Variants in GALNT13 observed in about 807,000 individuals in gnomAD.
GALNT13 encodes the protein polypeptide N-acetylgalactosaminyltransferase 13, also known as UDP-GalNAc:polypeptide N-acetylgalactosaminyltransferase 13.
A neutral mutation model predicts 64.2 loss-of-function variants in GALNT13; 28 were observed. That is an observed-to-expected ratio of 0.44 (90% CI 0.32 to 0.60). The LOEUF (loss-of-function observed/expected upper bound fraction) is 0.60. Ranked by LOEUF, GALNT13 falls within the 20% of genes least tolerant of loss-of-function variation. The pLI, the probability that GALNT13 is intolerant of heterozygous loss-of-function variation, is 0.05. For synonymous variants in GALNT13, 214 were observed against 224.6 expected, an observed-to-expected ratio of 0.95 and a Z score of 0.42; for missense variants, 577 against 669.8, an observed-to-expected ratio of 0.86 and a Z score of 1.53.
chr2:154,179,555 T>C (rs1248569182), intron 4 of GALNT13, among the ~76,000 whole-genome samples: 1 of 152,122 alleles, frequency 6.6e-6, no homozygotes, highest in African/African-American at 2.4e-5. Context: ...GAATATCAAC[T>C]CTGAAAGCAG....
At chr2:153,828,125 C>T in the GALNT13 span, among the ~76,000 whole-genome samples, 1 of 152,220 alleles carries the variant, frequency 6.6e-6, no homozygotes, top group Non-Finnish European at 1.5e-5. Context: ...TCCCAGCTGC[C>T]TTCATGAGCT....
At chr2:153,295,829 G>T in the GALNT13 span, among the ~76,000 whole-genome samples, 1 of 152,184 alleles carries the variant, frequency 6.6e-6, no homozygotes, top group Non-Finnish European at 1.5e-5. Context: ...CACATTGAAG[G>T]ATCAGAAATA....
the GALNT13 span, among the ~76,000 whole-genome samples, chr2:153,571,434 G>C: frequency 0.91 from 138,795 of 152,024 alleles, 63,391 homozygotes; most frequent in Admixed American, 0.93. Context: ...AAATTTGATG[G>C]CTTTTATTTC....
chr2:154,058,789 C>T (rs921277205), intron 3 of GALNT13, among the ~76,000 whole-genome samples: 1 of 151,922 alleles, frequency 6.6e-6, no homozygotes, highest in Admixed American at 6.6e-5. Flanking sequence ...TACCTCAGGG[C>T]CTTTTAAGCT....
chr2:154,383,105 T>G (rs1422038618), intron 9 of GALNT13, among the ~76,000 whole-genome samples: 1 of 151,860 alleles, frequency 6.6e-6, no homozygotes, highest in Non-Finnish European at 1.5e-5. Context: ...CCAGAGTAAG[T>G]GGTTGATTTC....
chr2:153,423,171 T>C, the GALNT13 span, among the ~76,000 whole-genome samples: 99 of 151,946 alleles, frequency 6.5e-4, 1 homozygote, highest in East Asian at 0.017. Context: ...TGACAAAGAA[T>C]GATGAATTTT....
Position 153,895,456 on chromosome 2 carries a change from A to G in GALNT13, c.-176-5480A>G, listed in dbSNP as rs530289301. 2.0e-5 allele frequency among the ~76,000 whole-genome samples: 3 copies of G among 152,188 alleles called. No individual in the cohort carries two copies. The East Asian group carries it at 5.8e-4, about 29-fold the overall frequency. On this transcript the variant is annotated intron_variant, in intron 1 of 12. Coordinates refer to ENST00000392825, the MANE Select transcript of GALNT13 (RefSeq NM_052917.4). ...TGCCTTTCCGTATAAACAATTTTTC[A>G]TTTCAGTGTTACCTTTTTGTGTAAT...
the GALNT13 span, among the ~76,000 whole-genome samples, chr2:153,239,820 A>T: frequency 6.6e-6 from 1 of 152,132 alleles, no homozygotes; most frequent in Non-Finnish European, 1.5e-5. Context: ...GTTTGGTATC[A>T]GGTTAATATT....
At chr2:154,434,034 C>T (rs761354953) in intron 11 of GALNT13, among the ~76,000 whole-genome samples, 2 of 152,106 alleles carry the variant, frequency 1.3e-5, no homozygotes, top group African/African-American at 2.4e-5. Context: ...GAAGGAAGAC[C>T]GTGTGAAGAC....
At chr2:153,525,220 C>T in the GALNT13 span, among the ~76,000 whole-genome samples, 1 of 152,164 alleles carries the variant, frequency 6.6e-6, no homozygotes, top group African/African-American at 2.4e-5. Context: ...GCTAAAGAGC[C>T]CTTGCGCCCT....
At chr2:153,982,799 A>G (rs1022730220) in intron 3 of GALNT13, among the ~76,000 whole-genome samples, 1 of 151,996 alleles carries the variant, frequency 6.6e-6, no homozygotes, top group Non-Finnish European at 1.5e-5. Context: ...TTAATTTTAT[A>G]CAAAAATAAT....
intron 3 of GALNT13, among the ~76,000 whole-genome samples, chr2:154,020,258 C>A (rs1421611330): frequency 1.3e-5 from 2 of 152,094 alleles, no homozygotes; most frequent in African/African-American, 4.8e-5. Flanking sequence ...AGTTCTAGAT[C>A]CCTGAGGAAT....
chr2:153,265,530 C>T, the GALNT13 span, among the ~76,000 whole-genome samples: 1 of 152,148 alleles, frequency 6.6e-6, no homozygotes. Context: ...CTTTGTGCCA[C>T]AAGACTGCTG....
chr2:154,325,767 T>C (rs1237521189), intron 9 of GALNT13, among the ~76,000 whole-genome samples: 1 of 151,958 alleles, frequency 6.6e-6, no homozygotes, highest in Non-Finnish European at 1.5e-5. Context: ...TTTATTTAAT[T>C]ATATATAATC....
the GALNT13 span, among the ~76,000 whole-genome samples, chr2:153,558,090 TC>T: frequency 6.6e-6 from 1 of 152,276 alleles, no homozygotes; most frequent in African/African-American, 2.4e-5. Flanking sequence ...TGAAAGTCTG[TC>T]TCCTTCTCTT....
intron 9 of GALNT13, among the ~76,000 whole-genome samples, chr2:154,308,227 C>G (rs562802812): frequency 3.3e-5 from 5 of 152,218 alleles, no homozygotes; most frequent in African/African-American, 9.6e-5. Context: ...ACAAACCACA[C>G]AATTACAGAA....
the GALNT13 span, among the ~76,000 whole-genome samples, chr2:153,479,163 C>G: frequency 6.6e-6 from 1 of 152,182 alleles, no homozygotes; most frequent in African/African-American, 2.4e-5. Context: ...CCCCCCTGAC[C>G]TCTGGGCGAA....
chr2:153,470,736 C>G, the GALNT13 span, among the ~76,000 whole-genome samples: 1 of 152,056 alleles, frequency 6.6e-6, no homozygotes, highest in East Asian at 1.9e-4. Flanking sequence ...TTAATAAAGT[C>G]CATTCTAGCT....
chr2:154,073,563 T>A (rs1700845259), intron 3 of GALNT13, among the ~76,000 whole-genome samples: 1 of 151,908 alleles, frequency 6.6e-6, no homozygotes, highest in African/African-American at 2.4e-5. Context: ...GTGTAAAAAT[T>A]TGCTAAATCT....
Sources: gnomAD v4.1 joint callset for allele counts (sites outside exome capture counted in the v4.1 genomes callset) on GRCh38, gnomAD v4.1.1 for gene constraint, MANE v1.5 for transcripts, NCBI Gene and HGNC (gene_info 2026-07-23, HGNC 2026-07-21) for gene names.